Variants in RSU1 observed in about 807,000 individuals in gnomAD.
RSU1 encodes the protein rsu-1.
Under a neutral mutation model 31.1 loss-of-function variants are expected in RSU1, and 26 were observed. The ratio of observed to expected loss-of-function variants is 0.84; its 90% CI spans 0.61 to 1.16. The LOEUF (loss-of-function observed/expected upper bound fraction) is 1.16. Among genes scored for constraint, RSU1 ranks in the 50% most tolerant of loss-of-function variants. The pLI is 0.00. For synonymous variants in RSU1, 164 were observed against 136.3 expected, an observed-to-expected ratio of 1.20 and a Z score of -1.41; for missense variants, 320 against 339.1, an observed-to-expected ratio of 0.94 and a Z score of 0.44.
intron 8 of RSU1, among the ~76,000 whole-genome samples, chr10:16,676,619 G>T (rs763830620): frequency 3.3e-5 from 5 of 152,124 alleles, no homozygotes; most frequent in Non-Finnish European, 7.4e-5. Flanking sequence ...TGACATATTT[G>T]TACTCTATTT....
intron 7 of RSU1, among the ~76,000 whole-genome samples, chr10:16,713,329 T>A (rs1317520393): frequency 6.6e-6 from 1 of 152,218 alleles, no homozygotes; most frequent in African/African-American, 2.4e-5. Context: ...GAAGTTCCTA[T>A]AATGCACACA....
intron 2 of RSU1, among the ~76,000 whole-genome samples, chr10:16,810,625 T>C (rs991936787): frequency 1.3e-5 from 2 of 152,154 alleles, no homozygotes; most frequent in Non-Finnish European, 2.9e-5. Flanking sequence ...GACAAGACCA[T>C]GGGACAGGTG....
chr10:16,751,241 T>A (rs1434796287), intron 7 of RSU1, among the ~76,000 whole-genome samples: 1 of 152,188 alleles, frequency 6.6e-6, no homozygotes, highest in African/African-American at 2.4e-5. Flanking sequence ...TCTGTCACCC[T>A]GCTCCCAAAG....
At chr10:16,669,829 C>A (rs1395783859) in intron 8 of RSU1, among the ~76,000 whole-genome samples, 1 of 152,144 alleles carries the variant, frequency 6.6e-6, no homozygotes, top group Non-Finnish European at 1.5e-5. Flanking sequence ...CAGTCTATCA[C>A]TGATGGGCAT....
chr10:16,797,438 ACT>A (rs1838060445), intron 2 of RSU1, among the ~76,000 whole-genome samples: 1 of 152,238 alleles, frequency 6.6e-6, no homozygotes, highest in Admixed American at 6.5e-5. Context: ...GCTATCTAGA[ACT>A]AAGCCTTCCT....
intron 7 of RSU1, among the ~76,000 whole-genome samples, chr10:16,740,533 T>C (rs936769994): frequency 6.6e-6 from 1 of 152,064 alleles, no homozygotes; most frequent in East Asian, 1.9e-4. Context: ...GACATCCAGA[T>C]TGGAAAGGAG....
At chr10:16,619,316 C>T (rs1289755123) in intron 8 of RSU1, among the ~76,000 whole-genome samples, 1 of 152,196 alleles carries the variant, frequency 6.6e-6, no homozygotes. Context: ...GTCTTCTCCA[C>T]GTGGTTCCAG....
At chr10:16,720,128 A>C (rs892511937) in intron 7 of RSU1, among the ~76,000 whole-genome samples, 1 of 152,080 alleles carries the variant, frequency 6.6e-6, no homozygotes. Context: ...CCTTCCCGCA[A>C]CTCTTTCCAA....
At chr10:16,770,451 C>T (rs943554950) in intron 3 of RSU1, among the ~76,000 whole-genome samples, 2 of 152,284 alleles carry the variant, frequency 1.3e-5, no homozygotes, top group Admixed American at 1.3e-4. Context: ...ATGGCGCTTT[C>T]CCTCCGCAGC....
intron 8 of RSU1, among the ~76,000 whole-genome samples, chr10:16,673,585 A>C (rs541406345): frequency 1.3e-5 from 2 of 152,284 alleles, no homozygotes; most frequent in East Asian, 3.9e-4. Context: ...GAAAAGCCAA[A>C]TGTTTCTTGA....
chr10:16,811,823 A>G (rs887173508), intron 2 of RSU1, among the ~76,000 whole-genome samples: 18 of 152,182 alleles, frequency 1.2e-4, no homozygotes, highest in Admixed American at 1.0e-3. Context: ...CCCTTAGCCA[A>G]CCTGAATCTC....
intron 8 of RSU1, among the ~76,000 whole-genome samples, chr10:16,661,962 T>C (rs1435000644): frequency 6.6e-6 from 1 of 152,268 alleles, no homozygotes; most frequent in Non-Finnish European, 1.5e-5. Context: ...GCATCTAGTC[T>C]ACCATGGTGA....
chr10:16,680,370 T>A (rs563545520), intron 8 of RSU1, among the ~76,000 whole-genome samples: 1 of 151,932 alleles, frequency 6.6e-6, no homozygotes, highest in Admixed American at 6.5e-5. Context: ...TTTAAAAAAA[T>A]AGTAAGAAGA....
At chr10:16,672,449 A>C (rs1299621827) in intron 8 of RSU1, among the ~76,000 whole-genome samples, 2 of 152,232 alleles carry the variant, frequency 1.3e-5, no homozygotes, top group Non-Finnish European at 2.9e-5. Context: ...AATAGCCCCT[A>C]ACTGGAAATA....
At chr10:16,737,202 C>A (rs1836645399) in intron 7 of RSU1, among the ~76,000 whole-genome samples, 1 of 151,522 alleles carries the variant, frequency 6.6e-6, no homozygotes, top group African/African-American at 2.4e-5. Flanking sequence ...ACTAACCTAC[C>A]AACCAATCAA....
At chr10:16,739,465 C>CTT (rs1564339586) in intron 7 of RSU1, among the ~76,000 whole-genome samples, 2 of 112,424 alleles carry the variant, frequency 1.8e-5, no homozygotes, top group East Asian at 2.9e-4. Context: ...ACATTTTCTT[C>CTT]CTTTTTTTTT....
intron 8 of RSU1, among the ~76,000 whole-genome samples, chr10:16,627,519 C>G (rs1003590097): frequency 6.6e-6 from 1 of 151,858 alleles, no homozygotes; most frequent in South Asian, 2.1e-4. Context: ...TTTGGGAGAC[C>G]GAGGCAGGTG....
At chr10:16,594,481 T>C (rs1444665616) in intron 8 of RSU1, among the ~76,000 whole-genome samples, 1 of 151,502 alleles carries the variant, frequency 6.6e-6, no homozygotes, top group Non-Finnish European at 1.5e-5. Flanking sequence ...TGTATGATCA[T>C]AGCTCACTGC....
chr10:16,697,756 G>A (rs1835708879), intron 7 of RSU1, among the ~76,000 whole-genome samples: 1 of 151,970 alleles, frequency 6.6e-6, no homozygotes, highest in African/African-American at 2.4e-5. Flanking sequence ...ACATATTTAT[G>A]GAATAGCACA....
Sources: allele counts gnomAD v4.1 joint callset (sites outside exome capture counted in the v4.1 genomes callset), GRCh38; gene constraint gnomAD v4.1.1; transcripts MANE v1.5; gene names NCBI Gene and HGNC (gene_info 2026-07-23, HGNC 2026-07-21).